The following SPOCK2 variants were observed in gnomAD, a reference collection of about 807,000 sequenced individuals.
SPOCK2 encodes testican-2.
Under a neutral mutation model 60.1 loss-of-function variants are expected in SPOCK2, and 39 were observed. The observed-to-expected ratio is 0.65, with a 90% CI of 0.50 to 0.85. SPOCK2 has a LOEUF of 0.85. Ranked by LOEUF, SPOCK2 falls within the 40% of genes least tolerant of loss-of-function variation. SPOCK2 has a pLI of 0.00. For synonymous variants in SPOCK2, 217 were observed against 231.5 expected (o/e 0.94, Z 0.57); for missense variants, 523 against 567.4 (o/e 0.92, Z 0.80).
At position 72,067,026 on chromosome 10, in the gene SPOCK2, C is replaced by T. The variant is rs778189648; in HGVS notation, c.804G>A (p.Thr268=). ...DTSADLFLDQ[T]ELAAINLDKY... ...TGTCCAGGTTGATGGCGGCCAGCTCCGTCTGGTCCAGGAAGAGGTCAGCAC... is the reference window on the plus strand; with the variant it reads ...TGTCCAGGTTGATGGCGGCCAGCTCTGTCTGGTCCAGGAAGAGGTCAGCAC... Residue 268 remains threonine (T), a synonymous_variant, in exon 8 of 11, where the codon ACG becomes ACA. Transcript: ENST00000373109. 112 of 1,614,108 alleles carry T rather than the reference C, an allele frequency of 6.9e-5. No individual in the cohort carries two copies. Among genetic ancestry groups the T allele is most frequent in the Admixed American group, 1.2e-4 (7 of 60,008 alleles).
chr10:72,088,458 G>A lies in SPOCK2; in HGVS notation c.-130C>T. On this transcript the variant is annotated 5_prime_UTR_variant, in exon 1 of 11. Coordinates refer to ENST00000373109, the MANE Select transcript of SPOCK2 (RefSeq NM_001244950.2). ...CTCCCGCGGTCTGCCTCCGGTGACT[G>A]GCGGAGAGTGGGTCGCGGCTGAAAT... The A allele has an allele frequency of 1.8e-6, 2 of 1,101,166 alleles. No individual in the cohort carries two copies. Among genetic ancestry groups the A allele is most frequent in the Non-Finnish European group, 1.3e-6 (1 of 797,838 alleles). The allele number at this position is 1,101,166 out of a possible 1,614,324, so 68.2% of individuals were successfully genotyped here.
chr10:72,075,301 G>A (rs1196984773), intron 1 of SPOCK2, among the ~76,000 whole-genome samples: 1 of 152,180 alleles, frequency 6.6e-6, no homozygotes, highest in African/African-American at 2.4e-5. Context: ...GGACAAGGCT[G>A]TGCAGGTGAT....
chr10:72,077,786 G>C, intron 1 of SPOCK2, among the ~76,000 whole-genome samples: 1 of 152,204 alleles, frequency 6.6e-6, no homozygotes, highest in Middle Eastern at 3.4e-3. Flanking sequence ...CCTGGAGCAC[G>C]CTTACCGTGC....
chr10:72,073,530 G>C (rs758319159), intron 1 of SPOCK2, among the ~76,000 whole-genome samples: 14 of 152,206 alleles, frequency 9.2e-5, no homozygotes, highest in Non-Finnish European at 2.1e-4. Context: ...AACCCTCAGA[G>C]GCAGAGGACC....
rs750301748 is a variant in SPOCK2 at position 72,068,203 on chromosome 10, G to A, written c.573C>T (p.Thr191=). 63 of 1,606,672 alleles carry A rather than the reference G, an allele frequency of 3.9e-5. No homozygotes were observed. The highest frequency in any genetic ancestry group is 6.7e-5 in the Admixed American group (4 of 59,652). Residue 191 remains threonine (T), a synonymous_variant, in exon 6 of 11, where the codon ACC becomes ACT. Coordinates refer to ENST00000373109, the MANE Select transcript of SPOCK2 (RefSeq NM_001244950.2). ...TGTCCTCACCTGGTTTGCCATCGGC[G>A]GTGGAGGTGGCAGCCTGCTCCGTGG... is the stretch of plus-strand genomic sequence containing the variant. ...PCPTEQAATS[T]ADGKPETCTG...
intron 8 of SPOCK2, 123 bp downstream of exon 8, chr10:72,066,778 TG>T: frequency 9.1e-7 from 1 of 1,099,234 alleles, no homozygotes. Flanking sequence ...GTGGGCAAGC[TG>T]GGAAAGTGCT....
intron 1 of SPOCK2, chr10:72,086,992 CCTGGGG>C (rs1335188200): frequency 1.9e-6 from 3 of 1,551,478 alleles, no homozygotes; most frequent in Admixed American, 3.9e-5. Context: ...GACGAGGGAA[CCTGGGG>C]AAGGAGGAGT....
At chr10:72,072,436 G>A (rs1284345994) in intron 3 of SPOCK2, 67 bp downstream of exon 3, 21 of 1,607,434 alleles carry the variant, frequency 1.3e-5, no homozygotes, top group Admixed American at 3.4e-5. Flanking sequence ...CGGGCTAAGG[G>A]CTTGCCCTCT....
In SPOCK2 at chr10:72,088,205, C is replaced by T. The variant is rs1178157834; in HGVS notation, c.124G>A (p.Glu42Lys). 4 of 1,613,044 alleles carry T rather than the reference C, an allele frequency of 2.5e-6. No homozygotes were observed. Among genetic ancestry groups the T allele is most frequent in the Non-Finnish European group, 3.4e-6 (4 of 1,179,714 alleles). The change falls in exon 1 of 11, where the codon GAG becomes AAG. Residue 42 changes from glutamate to lysine, a missense_variant. Glu to Lys is a moderately conservative substitution (Grantham distance 56). Transcript: ENST00000373109. Reference protein sequence around the residue: ...GETPGNFMEDEQWLSSISQYS... With the variant: ...GETPGNFMEDKQWLSSISQYS... ...TGCGAGATGGACGACAGCCATTGCTCGTCCTCCATGAAATTGCCGGGGGTC... is the reference window on the plus strand; with the variant it reads ...TGCGAGATGGACGACAGCCATTGCTTGTCCTCCATGAAATTGCCGGGGGTC...
chr10:72,068,542 G>A (rs576459961), intron 5 of SPOCK2, among the ~76,000 whole-genome samples: 12 of 152,130 alleles, frequency 7.9e-5, no homozygotes, highest in East Asian at 5.8e-4. Context: ...GAGCCTGCTC[G>A]GCCCTCTCTA....
chr10:72,064,028 A>C (rs1005640635), intron 9 of SPOCK2, 150 bp downstream of exon 9: 2 of 969,944 alleles, frequency 2.1e-6, no homozygotes, highest in African/African-American at 1.7e-5. Context: ...TAGACACAGG[A>C]AGGGGGCAAC....
At chr10:72,078,844 T>C (rs568608514) in intron 1 of SPOCK2, among the ~76,000 whole-genome samples, 1 of 152,322 alleles carries the variant, frequency 6.6e-6, no homozygotes, top group Non-Finnish European at 1.5e-5. Context: ...AAGTCTACCA[T>C]TGTTCCAGTG....
At position 72,070,440 on chromosome 10, in the gene SPOCK2, T is replaced by C; in HGVS notation, c.360-14A>G. ...GGCTGCTTGATCCTACAGGAGAGGG[T>C]GGGGGGCACACCAGGGTGGAAGTGA... On this transcript the variant is annotated splice_polypyrimidine_tract_variant and intron_variant, in intron 4 of 10. Transcript: ENST00000373109. 1 of 1,612,722 alleles carries C rather than the reference T, an allele frequency of 6.2e-7. No homozygotes were observed. The highest frequency in any genetic ancestry group is 8.5e-7 in the Non-Finnish European group (1 of 1,179,148).
intron 1 of SPOCK2, among the ~76,000 whole-genome samples, chr10:72,078,738 T>C (rs941129158): frequency 1.2e-4 from 18 of 151,958 alleles, no homozygotes; most frequent in African/African-American, 4.4e-4. Flanking sequence ...CAAGTTCACA[T>C]CAGCCCCAGA....
At chr10:72,064,054 T>C in intron 9 of SPOCK2, 124 bp downstream of exon 9, 1 of 1,278,454 alleles carries the variant, frequency 7.8e-7, no homozygotes, top group Non-Finnish European at 1.1e-6. Flanking sequence ...TCTGTCTTCC[T>C]AGGCCAGGGC....
chr10:72,066,559 G>A (rs78736634), intron 8 of SPOCK2, among the ~76,000 whole-genome samples: 16,936 of 148,128 alleles, frequency 0.11, 2,700 homozygotes, highest in African/African-American at 0.35. Context: ...TGGGCTGGTC[G>A]CCAACTCCTG....
intron 1 of SPOCK2, among the ~76,000 whole-genome samples, chr10:72,081,308 C>A (rs889277328): frequency 9.9e-5 from 15 of 152,254 alleles, no homozygotes; most frequent in African/African-American, 3.4e-4. Context: ...AGAGACTTCG[C>A]GTCCTCTGCC....
At chr10:72,078,299 A>G (rs571072318) in intron 1 of SPOCK2, among the ~76,000 whole-genome samples, 177 of 152,230 alleles carry the variant, frequency 1.2e-3, no homozygotes, top group African/African-American at 3.1e-3. Context: ...GCGGATCACG[A>G]GGTCAGGAGA....
At chr10:72,064,050 T>C in intron 9 of SPOCK2, 128 bp downstream of exon 9, 5 of 1,223,802 alleles carry the variant, frequency 4.1e-6, no homozygotes, top group African/African-American at 1.6e-5. Context: ...CTCTTCTGTC[T>C]TCCTAGGCCA....
Sources: gnomAD v4.1 joint callset for allele counts (sites outside exome capture counted in the v4.1 genomes callset) on GRCh38, gnomAD v4.1.1 for gene constraint, MANE v1.5 for transcripts, NCBI Gene and HGNC (gene_info 2026-07-23, HGNC 2026-07-21) for gene names.